Variants in PANX3 observed in about 807,000 individuals in gnomAD.
PANX3 encodes pannexin-3.
Under a neutral mutation model 31.5 loss-of-function variants are expected in PANX3, and 18 were observed. The ratio of observed to expected loss-of-function variants is 0.57; its 90% confidence interval spans 0.39 to 0.85. The LOEUF (loss-of-function observed/expected upper bound fraction) is 0.85, where lower values mean the gene tolerates loss of function less well. Among genes scored for constraint, PANX3 ranks in the 40% least tolerant of loss-of-function variants. The probability of loss-of-function intolerance (pLI) is 0.00; values close to 1 mark genes in which losing one functional copy is unlikely to be tolerated. For synonymous variants in PANX3, 194 were observed against 201.6 expected, an observed-to-expected ratio of 0.96 and a Z score of 0.32; for missense variants, 426 against 485.4, an observed-to-expected ratio of 0.88 and a Z score of 1.15.
In PANX3 at chr11:124,617,438, G is replaced by A; in HGVS notation, c.489G>A (p.Lys163=). 1 of 1,614,252 alleles carries A rather than the reference G, an allele frequency of 6.2e-7. No individual in the cohort carries two copies. The highest frequency in any genetic ancestry group is 8.5e-7 in the Non-Finnish European group (1 of 1,180,056). Residue 163 remains lysine, a synonymous_variant, in exon 3 of 4, where the codon AAG becomes AAA. Coordinates refer to ENST00000284288, the MANE Select transcript of PANX3 (RefSeq NM_052959.3). ...RSIRLVQHML[K]IRQKSSDPYV... ...TCCGCCTCGTGCAGCACATGCTGAA[G>A]ATCCGGCAGAAGAGTTCCGACCCCT...
At chr11:124,614,779 C>T (rs941215129) in intron 2 of PANX3, among the ~76,000 whole-genome samples, 17 of 144,430 alleles carry the variant, frequency 1.2e-4, no homozygotes, top group Non-Finnish European at 2.3e-4. Flanking sequence ...CAGGTTCAAG[C>T]GATTCTCCCG....
Position 124,617,288 on chromosome 11 carries a change from C to T in PANX3, c.339C>T (p.Ser113=). 6.2e-7 allele frequency: 1 copy of T among 1,606,254 alleles called. No individual in the cohort carries two copies. Reference sequence around the variant, plus strand: ...TCGCCCTGCAGGCCCTCCCCTACTCCCTGCTGGCCCTGGCCTTGCTCATGT... The same window carrying T: ...TCGCCCTGCAGGCCCTCCCCTACTCTCTGCTGGCCCTGGCCTTGCTCATGT... ...SLWPHKALPY[S]LLALALLMYL... is the part of the protein sequence containing the mutation. The change falls in exon 3 of 4, where the codon TCC becomes TCT. Residue 113 remains serine (S), a synonymous_variant. Transcript: ENST00000284288.
At chr11:124,618,152 G>A (rs901491858) in intron 3 of PANX3, among the ~76,000 whole-genome samples, 22 of 152,282 alleles carry the variant, frequency 1.4e-4, no homozygotes, top group African/African-American at 4.6e-4. Flanking sequence ...TGGGAAGTGG[G>A]GCAAGAGGAA....
In PANX3 at chr11:124,617,274, G is replaced by C. The variant is rs777265018; in HGVS notation, c.325G>C (p.Ala109Pro). 1 of 1,603,176 alleles carries C rather than the reference G, an allele frequency of 6.2e-7. No homozygotes were observed. Among genetic ancestry groups the C allele is most frequent in the Non-Finnish European group, 8.5e-7 (1 of 1,179,688 alleles). Residue 109 changes from alanine to proline, a missense_variant and splice_region_variant, in exon 3 of 4, where the codon GCC becomes CCC. Ala to Pro is a conservative substitution (Grantham distance 27). Transcript: ENST00000284288. ...DKMKSLWPHK[A>P]LPYSLLALAL... ...CTCCTCAGCTGCTCTCGCCCTGCAG[G>C]CCCTCCCCTACTCCCTGCTGGCCCT...
chr11:124,618,914 A>G (rs1863182956), intron 3 of PANX3, among the ~76,000 whole-genome samples: 1 of 152,136 alleles, frequency 6.6e-6, no homozygotes, highest in Non-Finnish European at 1.5e-5. Context: ...TGGGATTATG[A>G]GCATAAGCCA....
chr11:124,615,276 T>G (rs1469839440), intron 2 of PANX3, among the ~76,000 whole-genome samples: 2 of 151,758 alleles, frequency 1.3e-5, no homozygotes, highest in Admixed American at 6.6e-5. Flanking sequence ...AGAGACAGGG[T>G]TTCACCATGT....
chr11:124,617,606 AAC>A, intron 3 of PANX3, 118 bp downstream of exon 3: 1 of 934,638 alleles, frequency 1.1e-6, no homozygotes, highest in South Asian at 1.5e-5. Flanking sequence ...CAAAGTGCTT[AAC>A]ACATCATCTC....
In PANX3 at chr11:124,617,418, C is replaced by A. The variant is rs759875075; in HGVS notation, c.469C>A (p.Leu157Ile). The A allele has an allele frequency of 3.1e-6, 5 of 1,614,236 alleles. No homozygotes were observed. The highest frequency in any genetic ancestry group is 1.1e-5 in the South Asian group (1 of 91,088). The stretch of plus-strand genomic sequence containing the variant: ...CAAATCTTATAATCGCTCCATCCGC[C>A]TCGTGCAGCACATGCTGAAGATCCG... The part of the protein sequence containing the change: ...LDKSYNRSIR[L>I]VQHMLKIRQK... The change falls in exon 3 of 4, where the codon CTC becomes ATC. Residue 157 changes from leucine (L) to isoleucine (I), a missense_variant. By Grantham distance (5) the Leu-to-Ile change is conservative. Transcript: ENST00000284288.
At position 124,616,975 on chromosome 11, in the gene PANX3, C is replaced by T. The variant is rs1044556535; in HGVS notation, c.325-299C>T. Among the ~76,000 whole-genome samples the T allele has an allele frequency of 6.8e-6, 1 of 147,764 alleles. No homozygotes were observed. Among genetic ancestry groups the T allele is most frequent in the Non-Finnish European group, 1.5e-5 (1 of 67,608 alleles). On this transcript the variant is annotated intron_variant, in intron 2 of 3. Coordinates refer to ENST00000284288, the MANE Select transcript of PANX3 (RefSeq NM_052959.3). This position sits in a 1 kb window ranked among gnomAD's most constrained non-coding sequence, Gnocchi z 4.8. Reference sequence around the variant, plus strand: ...TCCCACCTCTCCTCTCTCTCTCTCTCCTTATTCTCTCTCTCTCTCCTTATT... The same window carrying T: ...TCCCACCTCTCCTCTCTCTCTCTCTTCTTATTCTCTCTCTCTCTCCTTATT...
At chr11:124,615,232 G>A (rs1252571496) in intron 2 of PANX3, among the ~76,000 whole-genome samples, 1 of 151,902 alleles carries the variant, frequency 6.6e-6, no homozygotes, top group Non-Finnish European at 1.5e-5. Flanking sequence ...ACAGGCACCC[G>A]CCACCAAGCC....
At chr11:124,614,167 T>TAAAAAA (rs71042444) in intron 2 of PANX3, among the ~76,000 whole-genome samples, 12 of 73,454 alleles carry the variant, frequency 1.6e-4, no homozygotes, top group Non-Finnish European at 1.8e-4. Context: ...ATCTAAATGG[T>TAAAAAA]AAAAAAAAAA....
chr11:124,619,462 T>C lies in PANX3; in HGVS notation c.706T>C (p.Phe236Leu), dbSNP rs763985627. ...TGGTCATTTCCATCTGGATGTCTTC[T>C]TCCAGGAAGAATTCAGCTGCTCCAT... ...YLGHFHLDVF[F>L]QEEFSCSIKT... Residue 236 changes from phenylalanine (F) to leucine (L), a missense_variant, in exon 4 of 4, where the codon TTC becomes CTC. Transcript: ENST00000284288. 1.3e-5 allele frequency: 21 copies of C among 1,614,096 alleles called. No homozygotes were observed. Among genetic ancestry groups the C allele is most frequent in the Admixed American group, 3.3e-5 (2 of 60,008 alleles).
chr11:124,618,897 C>T (rs193182715), intron 3 of PANX3, among the ~76,000 whole-genome samples: 9 of 152,288 alleles, frequency 5.9e-5, no homozygotes, highest in African/African-American at 1.2e-4. Flanking sequence ...CCTTCCACCT[C>T]GGCCGCTGGG....
At chr11:124,613,746 T>C (rs549233876) in intron 2 of PANX3, among the ~76,000 whole-genome samples, 2 of 152,226 alleles carry the variant, frequency 1.3e-5, no homozygotes, top group African/African-American at 2.4e-5. Flanking sequence ...AAGATCCCTG[T>C]TTTCAGCCTC....
rs373409055 is a variant in PANX3, at chr11:124,619,405, C to T, written c.649C>T (p.Leu217Phe). The change falls in exon 4 of 4, where the codon CTC (leucine) becomes TTC (phenylalanine). Residue 217 changes from leucine (L) to phenylalanine (F), a missense_variant. Transcript: ENST00000284288. ...CTACCTCCTGAGGAACTCCCTCTTGCTCATCTTCACCTCCGCCACTTACCT... is the reference window on the plus strand; with the variant it reads ...CTACCTCCTGAGGAACTCCCTCTTGTTCATCTTCACCTCCGCCACTTACCT... Reference protein sequence around the residue: ...ATYLLRNSLLLIFTSATYLYL... With the variant: ...ATYLLRNSLLFIFTSATYLYL... The T allele has an allele frequency of 8.7e-6, 14 of 1,614,078 alleles. No homozygotes were observed. The African/African-American group carries it at 1.7e-4, about 20-fold the overall frequency.
In PANX3 at chr11:124,611,729, T is replaced by C; in HGVS notation, c.173T>C (p.Phe58Ser). The change falls in exon 1 of 4, where the codon TTC becomes TCC. Residue 58 changes from phenylalanine (F) to serine (S), a missense_variant. Physicochemically the swap from Phe to Ser is radical, Grantham distance 155. Transcript: ENST00000284288. The part of the protein sequence containing the change: ...LLMSLAFAQE[F>S]SSGSPISCFS... ...ATGTCCCTGGCATTCGCCCAGGAGT[T>C]CTCCTCTGGTAAGTTGCTTCCAAGA... 5 of 1,613,410 alleles carry C rather than the reference T, an allele frequency of 3.1e-6. No homozygotes were observed. The highest frequency in any genetic ancestry group is 4.2e-6 in the Non-Finnish European group (5 of 1,179,492).
At chr11:124,615,871 G>C (rs908041804) in intron 2 of PANX3, among the ~76,000 whole-genome samples, 5 of 152,100 alleles carry the variant, frequency 3.3e-5, no homozygotes, top group African/African-American at 9.7e-5. Flanking sequence ...AAGTAGCCGG[G>C]TGTGGTAGTG....
In PANX3 at chr11:124,619,791, G is replaced by C. The variant is rs1863196200; in HGVS notation, c.1035G>C (p.Trp345Cys). The C allele has an allele frequency of 1.2e-6, 2 of 1,614,016 alleles. No homozygotes were observed. Among genetic ancestry groups the C allele is most frequent in the African/African-American group, 1.3e-5 (1 of 74,968 alleles). Residue 345 changes from tryptophan (W) to cysteine (C), a missense_variant, in exon 4 of 4, where the codon TGG (tryptophan) becomes TGC (cysteine). Coordinates refer to ENST00000284288, the MANE Select transcript of PANX3 (RefSeq NM_052959.3). ...ANISELISFSWLSVLCVLKDT... is the reference protein window; with the variant it reads ...ANISELISFSCLSVLCVLKDT... ...TCTCTGAGCTCATCTCTTTTAGCTG[G>C]CTGAGTGTCTTATGTGTGTTGAAGG...
Position 124,619,323 on chromosome 11 carries a change from C to G in PANX3, c.567C>G (p.Phe189Leu). 1.2e-6 allele frequency: 2 copies of G among 1,613,712 alleles called. No homozygotes were observed. Among genetic ancestry groups the G allele is most frequent in the Non-Finnish European group, 1.7e-6 (2 of 1,179,868 alleles). Reference sequence around the variant, plus strand: ...CTCGGAAAGAACGATACTTTGAATTCCCTTTGCTAGAGCGGTACCTGGCAT... The same window carrying G: ...CTCGGAAAGAACGATACTTTGAATTGCCTTTGCTAGAGCGGTACCTGGCAT... ...EKARKERYFE[F>L]PLLERYLACK... is the part of the protein sequence containing the mutation. Residue 189 changes from phenylalanine (F) to leucine (L), a missense_variant, in exon 4 of 4, where the codon TTC (phenylalanine) becomes TTG (leucine). By Grantham distance (22) the Phe-to-Leu change is conservative. Transcript: ENST00000284288.
Sources: gnomAD v4.1 joint callset for allele counts (sites outside exome capture counted in the v4.1 genomes callset) on GRCh38, gnomAD v4.1.1 for gene constraint, Gnocchi (gnomAD v3.1) non-coding constraint, MANE v1.5 for transcripts, NCBI Gene and HGNC (gene_info 2026-07-23, HGNC 2026-07-21) for gene names.